Variants in DLC1 observed in about 807,000 individuals in gnomAD.
DLC1 encodes rho GTPase-activating protein 7.
Under a neutral mutation model 140.3 loss-of-function variants are expected in DLC1, and 54 were observed. That is an observed-to-expected ratio of 0.38 (90% CI 0.31 to 0.48). The LOEUF (loss-of-function observed/expected upper bound fraction) is 0.48. DLC1 is among the 20% of genes least tolerant of loss of function. DLC1 has a pLI of 0.96. For synonymous variants in DLC1, 986 were observed against 728.1 expected (o/e 1.35, Z -5.70); for missense variants, 2,536 against 1,907.0 (o/e 1.33, Z -6.14).
chr8:13,496,046 G>A (rs1239867435), intron 2 of DLC1, among the ~76,000 whole-genome samples: 2 of 152,050 alleles, frequency 1.3e-5, no homozygotes, highest in South Asian at 4.1e-4. Flanking sequence ...TTATCTTACG[G>A]GTATTACTAT....
intron 5 of DLC1, among the ~76,000 whole-genome samples, chr8:13,272,788 G>A (rs1014234519): frequency 1.3e-5 from 2 of 152,096 alleles, no homozygotes; most frequent in African/African-American, 2.4e-5. Context: ...GCAAGAGAAT[G>A]GCGTCAACCC....
chr8:13,293,885 C>T (rs1308594193), intron 5 of DLC1, among the ~76,000 whole-genome samples: 1 of 152,038 alleles, frequency 6.6e-6, no homozygotes, highest in African/African-American at 2.4e-5. Flanking sequence ...GTAGATTTGT[C>T]TCATCTAATT....
intron 2 of DLC1, among the ~76,000 whole-genome samples, chr8:13,476,254 C>T (rs2410058): frequency 0.62 from 93,777 of 152,042 alleles, 29,259 homozygotes; most frequent in East Asian, 0.8. Flanking sequence ...TGATAATAGC[C>T]TTGTTTCGTG....
rs1166709690 is a variant in DLC1 at position 13,095,248 on chromosome 8, G to A, written c.3168-3C>T. Reference sequence around the variant, plus strand: ...TCTTCATGAACTTGGGCACGGCCCTGTTAAAGAACACAGAGATGGTGGTGT... The same window carrying A: ...TCTTCATGAACTTGGGCACGGCCCTATTAAAGAACACAGAGATGGTGGTGT... On this transcript the variant is annotated splice_polypyrimidine_tract_variant and splice_region_variant and intron_variant, in intron 10 of 17. Transcript: ENST00000276297. The A allele has an allele frequency of 1.2e-6, 2 of 1,614,102 alleles. No homozygotes were observed. The highest frequency in any genetic ancestry group is 1.1e-5 in the South Asian group (1 of 91,090).
chr8:13,469,673 G>C (rs1188871155), intron 2 of DLC1, among the ~76,000 whole-genome samples: 1 of 152,144 alleles, frequency 6.6e-6, no homozygotes, highest in Non-Finnish European at 1.5e-5. Flanking sequence ...GTTAAGATAA[G>C]CATAAAAATG....
At chr8:13,589,486 A>C (rs1805444909) in intron 1 of DLC1, among the ~76,000 whole-genome samples, 1 of 152,034 alleles carries the variant, frequency 6.6e-6, no homozygotes. Flanking sequence ...TTCAGGGGAA[A>C]GTTGGCTTGT....
At chr8:13,103,038 T>C (rs113803319) in intron 7 of DLC1, among the ~76,000 whole-genome samples, 185 bp from the exon 8 acceptor site, 127 of 152,262 alleles carry the variant, frequency 8.3e-4, no homozygotes, top group African/African-American at 2.9e-3. Context: ...TGGCCGGGCG[T>C]GGTGGCTCAC....
At chr8:13,479,257 C>G (rs1377494899) in intron 2 of DLC1, among the ~76,000 whole-genome samples, 2 of 152,100 alleles carry the variant, frequency 1.3e-5, no homozygotes, top group African/African-American at 4.8e-5. Flanking sequence ...ATGACTGCAA[C>G]AATAAATGTT....
At chr8:13,432,580 T>C (rs766905221) in intron 2 of DLC1, among the ~76,000 whole-genome samples, 4 of 152,226 alleles carry the variant, frequency 2.6e-5, no homozygotes, top group Non-Finnish European at 2.9e-5. Context: ...AATTTTAAGG[T>C]TGATTTTTGC....
intron 1 of DLC1, among the ~76,000 whole-genome samples, chr8:13,502,267 A>T (rs953274395): frequency 2.0e-5 from 3 of 152,226 alleles, no homozygotes; most frequent in Non-Finnish European, 4.4e-5. Context: ...TATAAATAAG[A>T]TAAATCCAAT....
At chr8:13,340,269 T>A (rs1044275175) in intron 4 of DLC1, 1 of 152,232 alleles carries the variant, frequency 6.6e-6, no homozygotes, top group African/African-American at 2.4e-5. Context: ...GGAACCATCT[T>A]GGCTCAATGC....
At chr8:13,597,519 C>T (rs555992442) in intron 1 of DLC1, among the ~76,000 whole-genome samples, 10 of 151,926 alleles carry the variant, frequency 6.6e-5, no homozygotes, top group African/African-American at 2.2e-4. Context: ...GGTGTTTTAC[C>T]CTTTTGAGTT....
intron 2 of DLC1, among the ~76,000 whole-genome samples, chr8:13,468,300 C>A (rs1394025525): frequency 6.7e-6 from 1 of 150,160 alleles, no homozygotes; most frequent in African/African-American, 2.4e-5. Context: ...AATAATAGTT[C>A]TTTTTTCCTT....
At chr8:13,367,293 A>G (rs1350748182) in intron 4 of DLC1, among the ~76,000 whole-genome samples, 2 of 152,140 alleles carry the variant, frequency 1.3e-5, no homozygotes, top group Non-Finnish European at 2.9e-5. Context: ...ATCTCACTCA[A>G]TCCATCCAGA....
intron 5 of DLC1, among the ~76,000 whole-genome samples, chr8:13,145,238 A>G (rs1327642046): frequency 2.0e-5 from 3 of 152,084 alleles, no homozygotes; most frequent in Admixed American, 2.0e-4. Flanking sequence ...AAGAAAGTCT[A>G]AAAACTAAGC....
At chr8:13,555,430 G>A (rs1186054528) in intron 1 of DLC1, among the ~76,000 whole-genome samples, 1 of 152,136 alleles carries the variant, frequency 6.6e-6, no homozygotes. Flanking sequence ...GAGGAACAGA[G>A]TGAAATTAGA....
chr8:13,139,193 G>A (rs1447518404), intron 5 of DLC1, among the ~76,000 whole-genome samples: 1 of 149,358 alleles, frequency 6.7e-6, no homozygotes, highest in Non-Finnish European at 1.5e-5. Flanking sequence ...GGGAGGCTGA[G>A]GAAGGAGGAT....
At chr8:13,211,004 T>C (rs1827912571) in intron 5 of DLC1, among the ~76,000 whole-genome samples, 1 of 152,064 alleles carries the variant, frequency 6.6e-6, no homozygotes, top group African/African-American at 2.4e-5. Flanking sequence ...GGGGGTGAGG[T>C]AGGAGATGAG....
chr8:13,349,595 G>C (rs1834540761), intron 4 of DLC1, among the ~76,000 whole-genome samples: 1 of 152,108 alleles, frequency 6.6e-6, no homozygotes, highest in African/African-American at 2.4e-5. Context: ...TTCAACACAA[G>C]CATTAGTCAA....
Sources: allele counts gnomAD v4.1 joint callset (sites outside exome capture counted in the v4.1 genomes callset), GRCh38; gene constraint gnomAD v4.1.1; transcripts MANE v1.5; gene names NCBI Gene and HGNC (gene_info 2026-07-23, HGNC 2026-07-21).